Variants in SEMA6A observed in about 807,000 individuals in gnomAD.
SEMA6A encodes the protein semaphorin-6A.
A neutral mutation model predicts 96.8 loss-of-function variants in SEMA6A; 25 were observed. The ratio of observed to expected loss-of-function variants is 0.26; its 90% CI spans 0.19 to 0.36. The LOEUF (loss-of-function observed/expected upper bound fraction) is 0.36, where lower values mean the gene tolerates loss of function less well. Among genes scored for constraint, SEMA6A ranks in the 10% least tolerant of loss-of-function variants. SEMA6A has a pLI of 1.00. For synonymous variants in SEMA6A, 612 were observed against 518.0 expected, an observed-to-expected ratio of 1.18 and a Z score of -2.46; for missense variants, 1,363 against 1,323.1, an observed-to-expected ratio of 1.03 and a Z score of -0.47.
chr5:116,553,671 C>A (rs1446423613), intron 1 of SEMA6A, among the ~76,000 whole-genome samples: 1 of 152,162 alleles, frequency 6.6e-6, no homozygotes, highest in Admixed American at 6.5e-5. Flanking sequence ...TGGGCATATT[C>A]TAGCTCCTTT....
intron 17 of SEMA6A, among the ~76,000 whole-genome samples, chr5:116,470,973 C>T (rs980766231): frequency 2.0e-5 from 3 of 152,106 alleles, no homozygotes; most frequent in South Asian, 2.1e-4. Flanking sequence ...AAGTATTTGC[C>T]GAATGAATTA....
chr5:116,519,625 C>T (rs1758834497), intron 1 of SEMA6A, among the ~76,000 whole-genome samples: 1 of 151,900 alleles, frequency 6.6e-6, no homozygotes, highest in South Asian at 2.1e-4. Flanking sequence ...CTCCAGACCA[C>T]TGCAGACTAT....
At chr5:116,468,391 T>C (rs1408133114) in intron 17 of SEMA6A, 1 of 152,242 alleles carries the variant, frequency 6.6e-6, no homozygotes, top group Admixed American at 6.5e-5. Context: ...TGTCTTTTCA[T>C]TGGAATGGAG....
Position 116,478,573 on chromosome 5 carries a change from G to C in SEMA6A, c.1396C>G (p.Leu466Val), listed in dbSNP as rs1756587354. Residue 466 changes from leucine (L) to valine (V), a missense_variant, in exon 13 of 19, where the codon CTG becomes GTG. Leu to Val is a conservative substitution (Grantham distance 32, BLOSUM62 1). Transcript: ENST00000343348. ...GAGTTGTAAACACTCATCTCCTCCA[G>C]GAAAAGGCTGTCATTTAGAAAACCA... is the stretch of plus-strand genomic sequence containing the variant. The part of the protein sequence containing the change: ...NSGFLNDSLF[L>V]EEMSVYNSEK... 1 of 1,612,632 alleles carries C rather than the reference G, an allele frequency of 6.2e-7. No homozygotes were observed. Among genetic ancestry groups the C allele is most frequent in the East Asian group, 2.2e-5 (1 of 44,782 alleles).
At chr5:116,503,108 C>T (rs1037578705) in intron 2 of SEMA6A, among the ~76,000 whole-genome samples, 1 of 152,180 alleles carries the variant, frequency 6.6e-6, no homozygotes, top group Non-Finnish European at 1.5e-5. Flanking sequence ...TACATCTCAA[C>T]ATCTCTGCCT....
intron 16 of SEMA6A, 68 bp downstream of exon 16, chr5:116,475,477 A>G: frequency 9.3e-7 from 1 of 1,077,986 alleles, no homozygotes; most frequent in Non-Finnish European, 1.4e-6. Flanking sequence ...ATGTGAGCTG[A>G]TGTTTCTAGG....
In SEMA6A at chr5:116,446,723, G is replaced by A; in HGVS notation, c.2983C>T (p.Leu995=). 1 of 1,600,896 alleles carries A rather than the reference G, an allele frequency of 6.2e-7. No individual in the cohort carries two copies. Among genetic ancestry groups the A allele is most frequent in the Non-Finnish European group, 8.5e-7 (1 of 1,173,238 alleles). The change falls in exon 19 of 19, where the codon CTG becomes TTG. Residue 995 remains leucine, a synonymous_variant. Coordinates refer to ENST00000343348, the MANE Select transcript of SEMA6A (RefSeq NM_020796.5). ...RQPSLNAYNS[L]TRSGLKRTPS... ...GTACGCTTCAGCCCCGACCTTGTCA[G>A]TGAGTTGTAGGCGTTGAGGCTGGGC...
intron 1 of SEMA6A, among the ~76,000 whole-genome samples, chr5:116,507,768 A>G (rs902520845): frequency 3.3e-5 from 5 of 152,200 alleles, no homozygotes; most frequent in Admixed American, 1.3e-4. Flanking sequence ...TTTACTTCAT[A>G]AGTAAGCCTA....
At chr5:116,557,145 A>G (rs1208755578) in intron 1 of SEMA6A, among the ~76,000 whole-genome samples, 1 of 152,232 alleles carries the variant, frequency 6.6e-6, no homozygotes. Flanking sequence ...TTGAAGTTTG[A>G]GAACTCTTCT....
At chr5:116,497,912 T>C (rs187373758) in intron 3 of SEMA6A, among the ~76,000 whole-genome samples, 152 of 152,318 alleles carry the variant, frequency 1.0e-3, no homozygotes, top group African/African-American at 3.3e-3. Flanking sequence ...GGTAAAATTA[T>C]TTCCAGAAGC....
chr5:116,558,885 C>T (rs1190243249), intron 1 of SEMA6A, among the ~76,000 whole-genome samples: 1 of 152,118 alleles, frequency 6.6e-6, no homozygotes, highest in Admixed American at 6.6e-5. Context: ...TATAAATATG[C>T]CCAACATTGA....
At chr5:116,478,177 T>C (rs1036183398) in intron 13 of SEMA6A, 23 bp from the exon 14 acceptor site, 10 of 1,612,534 alleles carry the variant, frequency 6.2e-6, no homozygotes, top group Non-Finnish European at 7.6e-6. Flanking sequence ...GGCAAGATAA[T>C]ATCATTAATA....
intron 6 of SEMA6A, among the ~76,000 whole-genome samples, chr5:116,494,483 T>C (rs1757482031): frequency 6.6e-6 from 1 of 152,160 alleles, no homozygotes; most frequent in African/African-American, 2.4e-5. Flanking sequence ...GTTCCCGATG[T>C]GGGAACAACA....
chr5:116,452,877 G>T (rs2112592888), intron 18 of SEMA6A, among the ~76,000 whole-genome samples: 1 of 152,324 alleles, frequency 6.6e-6, no homozygotes. Flanking sequence ...CATTTACCAA[G>T]CACTGCACTA....
At chr5:116,453,546 A>G (rs1341034966) in intron 18 of SEMA6A, among the ~76,000 whole-genome samples, 1 of 152,242 alleles carries the variant, frequency 6.6e-6, no homozygotes, top group Non-Finnish European at 1.5e-5. Context: ...AGCAAGAGCT[A>G]GAAATACCAT....
Position 116,544,383 on chromosome 5 carries a change from TG to T in SEMA6A, c.-39+29801del, listed in dbSNP as rs560762368. ...ATGGTTCACTGCAGCCTCGACATCC[TG>T]GGCTCAAGCAATCCTCCCACCTCAG... On this transcript the variant is annotated intron_variant, in intron 1 of 18. Transcript: ENST00000343348. Among the ~76,000 whole-genome samples the T allele has an allele frequency of 1.6e-4, 24 of 152,212 alleles. No homozygotes were observed. In the South Asian group the frequency reaches 3.5e-3, roughly 22 times the overall value.
At chr5:116,522,514 A>G (rs1759005512) in intron 1 of SEMA6A, among the ~76,000 whole-genome samples, 1 of 152,176 alleles carries the variant, frequency 6.6e-6, no homozygotes, top group Admixed American at 6.5e-5. Flanking sequence ...ATGGATGTAT[A>G]TGGTGGCTGG....
chr5:116,473,372 T>A (rs1272982938), intron 16 of SEMA6A, among the ~76,000 whole-genome samples: 1 of 152,204 alleles, frequency 6.6e-6, no homozygotes, highest in African/African-American at 2.4e-5. Flanking sequence ...TAACTGCAAT[T>A]ATAGGTGACT....
chr5:116,464,494 C>T (rs1755609301), intron 18 of SEMA6A, among the ~76,000 whole-genome samples: 1 of 152,154 alleles, frequency 6.6e-6, no homozygotes, highest in South Asian at 2.1e-4. Context: ...AATGCTTCCG[C>T]GTGCTGTGCA....
Sources: allele counts gnomAD v4.1 joint callset (sites outside exome capture counted in the v4.1 genomes callset), GRCh38; gene constraint gnomAD v4.1.1; transcripts MANE v1.5; gene names NCBI Gene and HGNC (gene_info 2026-07-23, HGNC 2026-07-21).